Variants in SLIT3 observed in about 807,000 individuals in gnomAD.
The protein encoded by SLIT3 is slit guidance ligand 3.
SLIT3 carries 68 observed loss-of-function variants against 184.0 expected under a neutral mutation model. The observed-to-expected ratio is 0.37, with a 90% confidence interval of 0.30 to 0.45. The LOEUF (loss-of-function observed/expected upper bound fraction) is 0.45, where lower values mean the gene tolerates loss of function less well. SLIT3 is among the 20% of genes least tolerant of loss of function. The pLI is 1.00. For missense variants in SLIT3, 1,707 were observed against 2,026.0 expected (o/e 0.84, Z 3.02); for synonymous variants, 831 against 828.6 (o/e 1.00, Z -0.05).
rs192780096 is a variant in SLIT3 at position 169,210,535 on chromosome 5, C to T, written c.342-16985G>A. On this transcript the variant is annotated intron_variant, in intron 3 of 35. Transcript: ENST00000519560. ...TGGAAAATGATGTGTTGCTCAGCAGCTGGTCACTGAAGTTTCCTGGGAAGG... is the reference window on the plus strand; with the variant it reads ...TGGAAAATGATGTGTTGCTCAGCAGTTGGTCACTGAAGTTTCCTGGGAAGG... Among the ~76,000 whole-genome samples, 65 of 152,242 alleles carry T rather than the reference C, an allele frequency of 4.3e-4. 1 individual carries two copies. Among genetic ancestry groups the T allele is most frequent in the Middle Eastern group, 3.4e-3 (1 of 294 alleles).
chr5:169,159,893 G>A (rs1217592009), intron 4 of SLIT3, among the ~76,000 whole-genome samples: 1 of 151,962 alleles, frequency 6.6e-6, no homozygotes, highest in Non-Finnish European at 1.5e-5. Flanking sequence ...CCCATTTTTT[G>A]TTTTTCCTTC....
intron 4 of SLIT3, among the ~76,000 whole-genome samples, chr5:168,904,724 C>T (rs1193658065): frequency 6.6e-6 from 1 of 152,062 alleles, no homozygotes; most frequent in Admixed American, 6.6e-5. Flanking sequence ...TTAGAGAAAC[C>T]CCAAACAAGA....
intron 3 of SLIT3, among the ~76,000 whole-genome samples, chr5:169,198,432 CAGG>C (rs1763808360): frequency 6.6e-6 from 1 of 152,174 alleles, no homozygotes; most frequent in African/African-American, 2.4e-5. Flanking sequence ...GGCCAGGAGA[CAGG>C]AGCATTTGGG....
chr5:169,152,756 G>A (rs546642774), intron 4 of SLIT3, among the ~76,000 whole-genome samples: 18 of 152,234 alleles, frequency 1.2e-4, no homozygotes, highest in African/African-American at 3.9e-4. Context: ...CAGAAATATA[G>A]GGAATAATTA....
intron 4 of SLIT3, among the ~76,000 whole-genome samples, chr5:168,934,134 T>G (rs1189678145): frequency 2.0e-5 from 3 of 152,176 alleles, no homozygotes; most frequent in African/African-American, 7.2e-5. Flanking sequence ...GATTTCAGCT[T>G]TATTGTCCTC....
At chr5:168,683,894 C>T in intron 32 of SLIT3, 72 bp downstream of exon 32, 1 of 1,352,902 alleles carries the variant, frequency 7.4e-7, no homozygotes, top group Non-Finnish European at 9.7e-7. Flanking sequence ...AATCCCCCTT[C>T]TGAGTTGCAG....
chr5:168,948,881 G>A (rs1265928362), intron 4 of SLIT3, among the ~76,000 whole-genome samples: 1 of 152,140 alleles, frequency 6.6e-6, no homozygotes, highest in African/African-American at 2.4e-5. Flanking sequence ...TCAGGGCCTG[G>A]GATTTGGTCC....
chr5:168,724,307 T>C, intron 21 of SLIT3, 109 bp downstream of exon 21: 1 of 739,952 alleles, frequency 1.4e-6, no homozygotes. Context: ...ATCTTTCAAT[T>C]ACCACTTGCA....
intron 6 of SLIT3, among the ~76,000 whole-genome samples, chr5:168,831,429 C>T (rs1438019264): frequency 6.6e-6 from 1 of 152,006 alleles, no homozygotes; most frequent in East Asian, 1.9e-4. Flanking sequence ...CCCTGTGGAC[C>T]GTTTAAATTA....
chr5:168,756,576 C>T (rs184681344), intron 16 of SLIT3, among the ~76,000 whole-genome samples: 1 of 152,224 alleles, frequency 6.6e-6, no homozygotes, highest in Non-Finnish European at 1.5e-5. Context: ...TGGATTTCCA[C>T]TCCCTGCCTG....
At chr5:169,252,152 A>C (rs1765796731) in intron 1 of SLIT3, among the ~76,000 whole-genome samples, 1 of 152,248 alleles carries the variant, frequency 6.6e-6, no homozygotes, top group Non-Finnish European at 1.5e-5. Context: ...ACCAACAAAC[A>C]AGACAAAAAT....
At chr5:169,175,783 G>T (rs558500068) in intron 4 of SLIT3, among the ~76,000 whole-genome samples, 13 of 151,882 alleles carry the variant, frequency 8.6e-5, no homozygotes, top group East Asian at 5.8e-4. Flanking sequence ...TCTTTCCTTC[G>T]CCTGTTTCTG....
Position 168,662,441 on chromosome 5 carries a change from G to A in SLIT3, c.*4013C>T, listed in dbSNP as rs990824415. 1.6e-4 allele frequency: 25 copies of A among 152,176 alleles called. No individual in the cohort carries two copies. Among genetic ancestry groups the A allele is most frequent in the African/African-American group, 5.6e-4 (23 of 41,422 alleles). 9.4% of individuals were successfully genotyped at this position (152,176 alleles called of 1,614,324 possible). On this transcript the variant is annotated 3_prime_UTR_variant, in exon 36 of 36. Transcript: ENST00000519560. ...CTGGCCTTTCCTGAAGGTCACCCTGGGGCTCTTTTCCCCCACCTTTTTTTT... is the reference window on the plus strand; with the variant it reads ...CTGGCCTTTCCTGAAGGTCACCCTGAGGCTCTTTTCCCCCACCTTTTTTTT...
chr5:169,182,913 T>C (rs1763214709), intron 4 of SLIT3, among the ~76,000 whole-genome samples: 1 of 152,220 alleles, frequency 6.6e-6, no homozygotes, highest in Non-Finnish European at 1.5e-5. Flanking sequence ...AAACCCTGCC[T>C]AGGCTGGCCA....
At chr5:169,217,491 G>T (rs1277282611) in intron 3 of SLIT3, among the ~76,000 whole-genome samples, 1 of 152,132 alleles carries the variant, frequency 6.6e-6, no homozygotes, top group African/African-American at 2.4e-5. Context: ...GAATGTTGTA[G>T]TAATCCAGGA....
rs1356749794 is a variant in SLIT3, at chr5:169,210,629, T to TG, written c.342-17080dup. 4.6e-5 allele frequency among the ~76,000 whole-genome samples: 7 copies of TG among 151,986 alleles called. No homozygotes were observed. In the East Asian group the frequency reaches 1.2e-3, roughly 25 times the overall value. On this transcript the variant is annotated intron_variant, in intron 3 of 35. Coordinates refer to ENST00000519560, the MANE Select transcript of SLIT3 (RefSeq NM_003062.4). ...GTGGTATGCAGAATGTGTTGGGTGG[T>TG]GGGGGTGAAACTGGAGTTGAACATG... is the stretch of plus-strand genomic sequence containing the variant.
chr5:169,037,927 T>C (rs1757313611), intron 4 of SLIT3: 1 of 152,274 alleles, frequency 6.6e-6, no homozygotes, highest in Admixed American at 6.5e-5. Flanking sequence ...CACTATTGTT[T>C]AACAACTTTG....
intron 12 of SLIT3, among the ~76,000 whole-genome samples, chr5:168,777,007 C>G (rs1755774098): frequency 6.6e-6 from 1 of 151,452 alleles, no homozygotes; most frequent in South Asian, 2.1e-4. Flanking sequence ...TTGCGTCATG[C>G]CACATATATG....
At chr5:169,055,951 T>C (rs190620081) in intron 4 of SLIT3, among the ~76,000 whole-genome samples, 149 of 152,256 alleles carry the variant, frequency 9.8e-4, no homozygotes, top group Middle Eastern at 6.8e-3. Context: ...CATACAATGG[T>C]AAACCAGAGA....
Sources: gnomAD v4.1 joint callset for allele counts (sites outside exome capture counted in the v4.1 genomes callset) on GRCh38, gnomAD v4.1.1 for gene constraint, MANE v1.5 for transcripts, NCBI Gene and HGNC (gene_info 2026-07-23, HGNC 2026-07-21) for gene names.